The following RGS5 variants were observed in gnomAD, a reference collection of about 807,000 sequenced individuals.
RGS5 encodes the protein regulator of G protein signaling 5.
A neutral mutation model predicts 18.9 loss-of-function variants in RGS5; 20 were observed. The observed-to-expected ratio is 1.06, with a 90% CI of 0.74 to 1.54. The LOEUF (loss-of-function observed/expected upper bound fraction) is 1.54, where lower values mean the gene tolerates loss of function less well. RGS5 is among the 40% of genes most tolerant of loss of function. The pLI, the probability that RGS5 is intolerant of heterozygous loss-of-function variation, is 0.00. For synonymous variants in RGS5, 57 were observed against 76.2 expected, an observed-to-expected ratio of 0.75 and a Z score of 1.31; for missense variants, 201 against 211.8, an observed-to-expected ratio of 0.95 and a Z score of 0.32.
At chr1:163,253,422 C>T (rs1648170041) in intron 2 of RGS5, among the ~76,000 whole-genome samples, 1 of 151,662 alleles carries the variant, frequency 6.6e-6, no homozygotes, top group African/African-American at 2.4e-5. Context: ...AATTTTCCTG[C>T]CTCAGCCTCC....
intron 1 of RGS5, among the ~76,000 whole-genome samples, chr1:163,209,006 A>C (rs1660035547): frequency 6.6e-6 from 1 of 152,190 alleles, no homozygotes; most frequent in Non-Finnish European, 1.5e-5. Flanking sequence ...AATACCTATG[A>C]AATATTCACA....
chr1:163,195,794 G>A (rs1186928470), intron 1 of RGS5, among the ~76,000 whole-genome samples: 1 of 152,116 alleles, frequency 6.6e-6, no homozygotes, highest in South Asian at 2.1e-4. Flanking sequence ...AAGGGGAAAA[G>A]AGAGATAAAA....
chr1:163,308,782 T>C (rs892821201), intron 1 of RGS5, among the ~76,000 whole-genome samples: 4 of 152,194 alleles, frequency 2.6e-5, no homozygotes, highest in African/African-American at 9.7e-5. Flanking sequence ...CTCAGAGATA[T>C]TGCAGGTTCA....
At chr1:163,246,000 G>A (rs550136135) in intron 2 of RGS5, among the ~76,000 whole-genome samples, 2 of 151,984 alleles carry the variant, frequency 1.3e-5, no homozygotes, top group African/African-American at 2.4e-5. Context: ...CGGATCACGA[G>A]GTCAGGAGAT....
At chr1:163,282,514 G>T (rs1365611241) in intron 2 of RGS5, among the ~76,000 whole-genome samples, 2 of 151,990 alleles carry the variant, frequency 1.3e-5, no homozygotes, top group Non-Finnish European at 2.9e-5. Context: ...TTCAAAACAA[G>T]CATAGGCTAA....
At chr1:163,308,987 T>C (rs1470284247) in intron 1 of RGS5, among the ~76,000 whole-genome samples, 3 of 152,250 alleles carry the variant, frequency 2.0e-5, no homozygotes, top group Non-Finnish European at 2.9e-5. Context: ...TATGAGTCTT[T>C]AGTGAGTCAT....
intron 2 of RGS5, among the ~76,000 whole-genome samples, chr1:163,269,209 AC>A (rs1478812980): frequency 6.6e-6 from 1 of 152,182 alleles, no homozygotes; most frequent in East Asian, 1.9e-4. Flanking sequence ...TTACAAGTGT[AC>A]ACATATATGA....
At chr1:163,232,728 T>C (rs1308562072) in intron 2 of RGS5, among the ~76,000 whole-genome samples, 1 of 152,192 alleles carries the variant, frequency 6.6e-6, no homozygotes, top group Non-Finnish European at 1.5e-5. Context: ...GAGGCAGACA[T>C]GCCTGTGGGC....
chr1:163,240,746 G>A (rs1029973773), intron 2 of RGS5, among the ~76,000 whole-genome samples: 2 of 152,250 alleles, frequency 1.3e-5, no homozygotes, highest in African/African-American at 4.8e-5. Flanking sequence ...TGAACTTCTG[G>A]ACTCAAGTGA....
chr1:163,255,438 A>AT (rs1027103561), intron 2 of RGS5, among the ~76,000 whole-genome samples: 9 of 152,186 alleles, frequency 5.9e-5, no homozygotes, highest in Non-Finnish European at 1.3e-4. Context: ...GAATATACCA[A>AT]TAACAGGCTC....
Position 163,182,466 on chromosome 1 carries a change from C to T in RGS5, c.45-14098G>A, listed in dbSNP as rs138969886. Among the ~76,000 whole-genome samples the T allele has an allele frequency of 7.1e-4, 108 of 152,232 alleles. 2 individuals carry two copies. The highest frequency in any genetic ancestry group is 2.1e-3 in the African/African-American group (89 of 41,534). On this transcript the variant is annotated intron_variant, in intron 1 of 4. Coordinates refer to ENST00000313961, the MANE Select transcript of RGS5 (RefSeq NM_003617.4). ...TGGCCACTCCCTACTCAAGGATTCC[C>T]GTGGAAATTGAGATATTTCCCATGC...
intron 1 of RGS5, among the ~76,000 whole-genome samples, chr1:163,186,777 T>A (rs1659107559): frequency 6.6e-6 from 1 of 152,126 alleles, no homozygotes; most frequent in South Asian, 2.1e-4. Context: ...TTGGACCTCT[T>A]TTCTCATCTA....
chr1:163,190,201 T>C (rs914404832), intron 1 of RGS5, among the ~76,000 whole-genome samples: 2 of 152,148 alleles, frequency 1.3e-5, no homozygotes, highest in African/African-American at 2.4e-5. Flanking sequence ...TATTCTTTGT[T>C]TGAAAGCCCT....
intron 2 of RGS5, among the ~76,000 whole-genome samples, chr1:163,297,641 C>G (rs1212848944): frequency 6.6e-6 from 1 of 152,116 alleles, no homozygotes; most frequent in East Asian, 1.9e-4. Context: ...CAGTTGTACT[C>G]ATTTCTCTGT....
chr1:163,167,808 T>A (rs1031686607), intron 2 of RGS5, among the ~76,000 whole-genome samples: 1 of 152,168 alleles, frequency 6.6e-6, no homozygotes, highest in Non-Finnish European at 1.5e-5. Flanking sequence ...CTTAGTATCT[T>A]TCTGAGGGAA....
Position 163,195,025 on chromosome 1 carries a change from T to C in RGS5, c.44+7767A>G, listed in dbSNP as rs192496060. ...TTAGTACAACCTCTATGGAAAACAG[T>C]ATAGGGATTCCTTAAAGAACTAAAA... On this transcript the variant is annotated intron_variant, in intron 1 of 4. Coordinates refer to ENST00000313961, the MANE Select transcript of RGS5 (RefSeq NM_003617.4). Among the ~76,000 whole-genome samples the C allele has an allele frequency of 7.2e-5, 11 of 152,272 alleles. No individual in the cohort carries two copies. In the East Asian group the frequency reaches 1.9e-3, roughly 27 times the overall value.
At chr1:163,171,542 T>G (rs187576900) in intron 1 of RGS5, among the ~76,000 whole-genome samples, 4 of 152,300 alleles carry the variant, frequency 2.6e-5, no homozygotes. Context: ...GTTGTTTTGG[T>G]TTTAACTTTA....
At chr1:163,207,932 A>C (rs2101667533) in intron 1 of RGS5, among the ~76,000 whole-genome samples, 1 of 152,264 alleles carries the variant, frequency 6.6e-6, no homozygotes, top group Admixed American at 6.5e-5. Context: ...ACAAAGAATA[A>C]ACAGTTCATA....
intron 2 of RGS5, among the ~76,000 whole-genome samples, chr1:163,167,698 A>T (rs765187377): frequency 1.3e-5 from 2 of 152,228 alleles, no homozygotes; most frequent in African/African-American, 2.4e-5. Flanking sequence ...CTAGTCCAGT[A>T]TTCGTTCTTC....
Sources: allele counts gnomAD v4.1 joint callset (sites outside exome capture counted in the v4.1 genomes callset), GRCh38; gene constraint gnomAD v4.1.1; transcripts MANE v1.5; gene names NCBI Gene and HGNC (gene_info 2026-07-23, HGNC 2026-07-21).